The following ABCC6 variants were observed in gnomAD, a reference collection of about 807,000 sequenced individuals.
The protein encoded by ABCC6 is ATP-binding cassette sub-family C member 6.
ABCC6 carries 126 observed loss-of-function variants against 169.5 expected under a neutral mutation model. The ratio of observed to expected loss-of-function variants is 0.74; its 90% CI spans 0.64 to 0.86. ABCC6 has a LOEUF of 0.86. Among genes scored for constraint, ABCC6 ranks in the 40% least tolerant of loss-of-function variants. ABCC6 has a pLI of 0.00. For synonymous variants in ABCC6, 752 were observed against 814.7 expected, an observed-to-expected ratio of 0.92 and a Z score of 1.31; for missense variants, 1,733 against 1,927.2, an observed-to-expected ratio of 0.90 and a Z score of 1.89.
At chr16:16,163,444 G>A (rs538351713) in intron 23 of ABCC6, among the ~76,000 whole-genome samples, 28 of 152,224 alleles carry the variant, frequency 1.8e-4, no homozygotes, top group African/African-American at 6.3e-4. Context: ...TGACTGAATC[G>A]GAATCTCTGG....
At chr16:16,167,097 G>A (rs1452873846) in intron 22 of ABCC6, among the ~76,000 whole-genome samples, 1 of 152,178 alleles carries the variant, frequency 6.6e-6, no homozygotes, top group Non-Finnish European at 1.5e-5. Flanking sequence ...GTGCTAATCT[G>A]TATGCCTGGG....
At chr16:16,198,277 C>G in intron 9 of ABCC6, 95 bp from the exon 10 acceptor site, 1 of 1,340,348 alleles carries the variant, frequency 7.5e-7, no homozygotes, top group Non-Finnish European at 1.0e-6. Flanking sequence ...CCACCTCACA[C>G]GTCTGCGAGG....
Position 16,192,923 on chromosome 16 carries a change from C to G in ABCC6, c.1339-1G>C, listed in dbSNP as rs1335726550. 1 of 1,613,808 alleles carries G rather than the reference C, an allele frequency of 6.2e-7. No homozygotes were observed. On this transcript the variant is annotated splice_acceptor_variant, in intron 10 of 30. Transcript: ENST00000205557. LOFTEE classifies it high-confidence loss of function. Reference sequence around the variant, plus strand: ...CAGTGAGGGCGGAGGGCCCCAGGAGCTGGGGATAGAAGGGGCAGGATGTCA... The same window carrying G: ...CAGTGAGGGCGGAGGGCCCCAGGAGGTGGGGATAGAAGGGGCAGGATGTCA...
At chr16:16,188,333 A>T (rs1435351144) in intron 13 of ABCC6, among the ~76,000 whole-genome samples, 1 of 152,100 alleles carries the variant, frequency 6.6e-6, no homozygotes, top group African/African-American at 2.4e-5. Context: ...TAGATCTTGC[A>T]GTGAGCCGAG....
intron 22 of ABCC6, among the ~76,000 whole-genome samples, chr16:16,167,124 CT>C (rs1267172160): frequency 6.6e-6 from 1 of 152,166 alleles, no homozygotes; most frequent in Non-Finnish European, 1.5e-5. Context: ...CTAACTTCTC[CT>C]CTGGGGTGGG....
chr16:16,156,450 G>A lies in ABCC6; in HGVS notation c.3882+1213C>T, dbSNP rs78867067. Among the ~76,000 whole-genome samples, 1,337 of 152,296 alleles carry A rather than the reference G, an allele frequency of 8.8e-3. 12 individuals are homozygous for A. Among genetic ancestry groups the A allele is most frequent in the South Asian group, 0.035 (169 of 4,818 alleles). On this transcript the variant is annotated intron_variant, in intron 27 of 30. Coordinates refer to ENST00000205557, the MANE Select transcript of ABCC6 (RefSeq NM_001171.6). ...GCTCATGGAGCTCACAGCACCATGT[G>A]CCCCCCTGGCCGAGAGGCAGCTGCT... is the stretch of plus-strand genomic sequence containing the variant.
At chr16:16,172,099 C>CA (rs2047111599) in intron 21 of ABCC6, among the ~76,000 whole-genome samples, 2 of 10,466 alleles carry the variant, frequency 1.9e-4, no homozygotes, top group Non-Finnish European at 4.1e-4. Context: ...GGTGGGATGG[C>CA]TAAATGAGTG....
chr16:16,198,722 G>A (rs1467639912), intron 9 of ABCC6, among the ~76,000 whole-genome samples: 1 of 150,106 alleles, frequency 6.7e-6, no homozygotes, highest in Non-Finnish European at 1.5e-5. Context: ...GGCCGGGTGC[G>A]GTGCCTCACG....
intron 11 of ABCC6, among the ~76,000 whole-genome samples, chr16:16,190,925 C>T (rs1040173913): frequency 1.4e-4 from 1 of 7,220 alleles, no homozygotes; most frequent in East Asian, 5.9e-3. Flanking sequence ...GGGGTGGGGG[C>T]TGGGGGGTAG....
intron 12 of ABCC6, 21 bp from the exon 13 acceptor site, chr16:16,188,995 G>A (rs200345940): frequency 7.4e-6 from 12 of 1,613,014 alleles, no homozygotes; most frequent in Admixed American, 3.3e-5. Flanking sequence ...GGGGGGACAC[G>A]TGGGGCAACA....
chr16:16,177,163 T>C (rs868527041), intron 19 of ABCC6, among the ~76,000 whole-genome samples: 1 of 152,230 alleles, frequency 6.6e-6, no homozygotes, highest in Non-Finnish European at 1.5e-5. Context: ...AGTTTGCTCA[T>C]CTGTAAAATG....
chr16:16,182,663 G>A (rs1459094195), intron 16 of ABCC6, 75 bp from the exon 17 acceptor site: 4 of 1,592,564 alleles, frequency 2.5e-6, no homozygotes, highest in Non-Finnish European at 3.4e-6. Flanking sequence ...AGCAGTGGGA[G>A]CTGGGCTCTC....
rs749136865 is a variant in ABCC6, at chr16:16,154,807, G to A, written c.4042-13C>T. 2 of 1,609,622 alleles carry A rather than the reference G, an allele frequency of 1.2e-6. No homozygotes were observed. Among genetic ancestry groups the A allele is most frequent in the South Asian group, 2.2e-5 (2 of 90,346 alleles). ...ACAGGATGGGGTCCTGGCGGGGAGG[G>A]GCGGTGGGTCAGAGCCGGGTCCCAC... On this transcript the variant is annotated splice_polypyrimidine_tract_variant and intron_variant, in intron 28 of 30. Transcript: ENST00000205557.
At chr16:16,193,727 A>C (rs766971179) in intron 10 of ABCC6, among the ~76,000 whole-genome samples, 27 of 152,122 alleles carry the variant, frequency 1.8e-4, no homozygotes, top group Non-Finnish European at 4.0e-4. Flanking sequence ...AAACAAACAA[A>C]CAAACACTTG....
chr16:16,164,041 G>A (rs2152225915), intron 23 of ABCC6, among the ~76,000 whole-genome samples: 1 of 152,130 alleles, frequency 6.6e-6, no homozygotes, highest in East Asian at 1.9e-4. Flanking sequence ...GGGTTTTGTT[G>A]TTTGTTTTTT....
chr16:16,214,486 AGAGGAGG>A (rs1267715388), intron 4 of ABCC6, 37 bp from the exon 5 acceptor site: 1 of 1,551,614 alleles, frequency 6.4e-7, no homozygotes, highest in East Asian at 2.4e-5. Flanking sequence ...GAATGGAGAC[AGAGGAGG>A]GTGCTCAGAG....
In ABCC6 at chr16:16,154,760, T is replaced by G. The variant is rs1159399513; in HGVS notation, c.4076A>C (p.Asn1359Thr). The stretch of plus-strand genomic sequence containing the variant: ...CGAGTGCTCCTGCAGCAGGTCGAGG[T>G]TCATCCGCAGAGAGCCAGGGAACAG... ...PILFPGSLRM[N>T]LDLLQEHSDE... The change falls in exon 29 of 31, where the codon AAC (asparagine) becomes ACC (threonine). Residue 1359 changes from asparagine to threonine, a missense_variant. Transcript: ENST00000205557. The G allele has an allele frequency of 6.2e-7, 1 of 1,612,648 alleles. No homozygotes were observed. Among genetic ancestry groups the G allele is most frequent in the East Asian group, 2.2e-5 (1 of 44,846 alleles).
chr16:16,187,192 C>T lies in ABCC6; in HGVS notation c.1799G>A (p.Arg600His), dbSNP rs761433545. The change falls in exon 14 of 31, where the codon CGT (arginine) becomes CAT (histidine). Residue 600 changes from arginine to histidine, a missense_variant. Around this residue, in one of 5 missense-constraint regions of ABCC6, gnomAD observed 1,601 missense variants for 1,635.5 expected, o/e 0.98. Coordinates refer to ENST00000205557, the MANE Select transcript of ABCC6 (RefSeq NM_001171.6). ...SLVQARVSFDRLVTFLCLEEV... is the reference protein window; with the variant it reads ...SLVQARVSFDHLVTFLCLEEV... ...TTCCAGGCAGAGGAAGGTGACCAGA[C>T]GGTCAAAGGACACCCGGGCCTAGGA... 17 of 1,613,500 alleles carry T rather than the reference C, an allele frequency of 1.1e-5. No individual in the cohort carries two copies. The highest frequency in any genetic ancestry group is 4.4e-5 in the South Asian group (4 of 91,028).
In ABCC6 at chr16:16,161,339, T is replaced by G. The variant is rs114575985; in HGVS notation, c.3633+99A>C. The stretch of plus-strand genomic sequence containing the variant: ...GGTGGAGGGACTCCACACACCATGT[T>G]GGTTTGGACACAGGGTCTTCAAAGG... On this transcript the variant is annotated intron_variant, in intron 25 of 30. Coordinates refer to ENST00000205557, the MANE Select transcript of ABCC6 (RefSeq NM_001171.6). 2.2e-3 allele frequency: 3,436 copies of G among 1,562,722 alleles called. 83 individuals carry two copies. In the African/African-American group the frequency reaches 0.041, roughly 19 times the overall value.
Sources: allele counts gnomAD v4.1 joint callset (sites outside exome capture counted in the v4.1 genomes callset), GRCh38; gene constraint gnomAD v4.1.1; regional missense constraint gnomAD v4.1.1; transcripts MANE v1.5; gene names NCBI Gene and HGNC (gene_info 2026-07-23, HGNC 2026-07-21).